Variants in TNS1 observed in about 807,000 individuals in gnomAD.
TNS1 encodes the protein tensin-1.
TNS1 carries 62 observed loss-of-function variants against 168.6 expected under a neutral mutation model. That is an observed-to-expected ratio of 0.37 (90% CI 0.30 to 0.45). The LOEUF (loss-of-function observed/expected upper bound fraction) is 0.45. Ranked by LOEUF, TNS1 falls within the 20% of genes least tolerant of loss-of-function variation. The pLI, the probability that TNS1 is intolerant of heterozygous loss-of-function variation, is 1.00. For missense variants in TNS1, 2,240 were observed against 2,339.4 expected (o/e 0.96, Z 0.88); for synonymous variants, 934 against 933.2 (o/e 1.00, Z -0.02).
intron 8 of TNS1, among the ~76,000 whole-genome samples, chr2:217,895,857 A>C (rs1281369993): frequency 2.0e-5 from 3 of 152,168 alleles, no homozygotes; most frequent in African/African-American, 7.2e-5. Context: ...TGGGGAGAAA[A>C]GGGGACAGCC....
chr2:217,990,982 G>T lies in TNS1; in HGVS notation c.108C>A (p.Ile36=). 1.4e-6 allele frequency: 1 copy of T among 692,056 alleles called. No individual in the cohort carries two copies. 42.9% of individuals were successfully genotyped at this position (692,056 alleles called of 1,614,324 possible). A position where few individuals can be genotyped will look rare whatever the true frequency, so the allele number is the denominator to read the frequency against. Residue 36 remains isoleucine (I), a synonymous_variant, in exon 2 of 33, where the codon ATC becomes ATA. Coordinates refer to ENST00000682258, the MANE Select transcript of TNS1 (RefSeq NM_001387777.1). ...KTFKKVKPCG[I]CRQVITQEGC... ...CTTCCTGGGTGATGACCTGGCGGCA[G>T]ATCCCACAGGGCTTCACCTTCTTGA...
At chr2:217,822,019 C>G in intron 22 of TNS1, 81 bp from the exon 23 acceptor site, 1 of 1,385,394 alleles carries the variant, frequency 7.2e-7, no homozygotes, top group Non-Finnish European at 9.7e-7. Context: ...TCCCCTGGAA[C>G]ACAGCTTCCT....
intron 32 of TNS1, among the ~76,000 whole-genome samples, chr2:217,805,491 C>T (rs1160402522): frequency 5.4e-5 from 5 of 92,720 alleles, no homozygotes; most frequent in East Asian, 3.4e-4. Flanking sequence ...ACACCACACA[C>T]ACACCACACA....
chr2:217,809,081 T>A (rs13025249), intron 30 of TNS1, among the ~76,000 whole-genome samples: 37,641 of 152,078 alleles, frequency 0.25, 5,166 homozygotes, highest in Middle Eastern at 0.35. Flanking sequence ...GAAGGATGGA[T>A]GAATGGGTGG....
chr2:217,869,524 C>T (rs1211536432), intron 18 of TNS1, among the ~76,000 whole-genome samples: 1 of 152,120 alleles, frequency 6.6e-6, no homozygotes, highest in East Asian at 1.9e-4. Context: ...CCCATCAGAG[C>T]CAGGGGTGGC....
At chr2:217,940,293 TG>T (rs1559377968) in intron 3 of TNS1, among the ~76,000 whole-genome samples, 3 of 152,138 alleles carry the variant, frequency 2.0e-5, no homozygotes, top group Non-Finnish European at 4.4e-5. Flanking sequence ...GGCTGGTAAC[TG>T]GGAGGGCTTT....
chr2:217,951,611 T>C (rs569014412), intron 3 of TNS1, among the ~76,000 whole-genome samples: 33 of 152,232 alleles, frequency 2.2e-4, no homozygotes, highest in African/African-American at 7.2e-4. Context: ...GGGCTCTCCT[T>C]GACCTGACAG....
chr2:217,949,373 C>A (rs1171500412), intron 3 of TNS1, among the ~76,000 whole-genome samples: 1 of 152,232 alleles, frequency 6.6e-6, no homozygotes, highest in Non-Finnish European at 1.5e-5. Flanking sequence ...TTCCCTTGGA[C>A]CTATCCCTGC....
intron 18 of TNS1, among the ~76,000 whole-genome samples, chr2:217,853,678 C>A (rs1257794728): frequency 6.6e-6 from 1 of 152,212 alleles, no homozygotes; most frequent in Admixed American, 6.5e-5. Flanking sequence ...CTCTTCTCAG[C>A]AGCTGCAGAG....
Position 217,879,249 on chromosome 2 carries a change from C to T in TNS1, c.1429+1649G>A, listed in dbSNP as rs773949233. ...TACTAAATGTTTTTACATTTATCAT[C>T]GCATTGACCATGCACCAAGAAGAGA... On this transcript the variant is annotated intron_variant, in intron 18 of 32. Transcript: ENST00000682258. 3.2e-5 allele frequency: 10 copies of T among 310,194 alleles called. 1 individual carries two copies. Among genetic ancestry groups the T allele is most frequent in the African/African-American group, 1.4e-4 (6 of 43,744 alleles). 19.2% of individuals were successfully genotyped at this position (310,194 alleles called of 1,614,324 possible).
intron 1 of TNS1, among the ~76,000 whole-genome samples, chr2:218,023,629 A>T (rs936061906): frequency 6.6e-6 from 1 of 152,144 alleles, no homozygotes; most frequent in Non-Finnish European, 1.5e-5. Flanking sequence ...GGAACTTTAC[A>T]TACCTTACCC....
chr2:217,894,854 G>A (rs765943175), intron 9 of TNS1, 152 bp downstream of exon 9: 5 of 783,864 alleles, frequency 6.4e-6, no homozygotes, highest in Non-Finnish European at 8.4e-6. Context: ...TTGTGGAAAT[G>A]ATAAGTAGAT....
At position 217,939,262 on chromosome 2, in the gene TNS1, C is replaced by G. The variant is rs537532710; in HGVS notation, c.187-19026G>C. On this transcript the variant is annotated intron_variant, in intron 3 of 32. Transcript: ENST00000682258. ...AACCGGGTCATCATAAGTTGATCCC[C>G]AGCAGTCTGGCACCAGACTCACATT... Among the ~76,000 whole-genome samples the G allele has an allele frequency of 3.4e-3, 523 of 152,284 alleles. 7 individuals are homozygous for G. The highest frequency in any genetic ancestry group is 0.012 in the African/African-American group (481 of 41,554).
At chr2:218,019,382 AT>A (rs1451416722) in intron 1 of TNS1, among the ~76,000 whole-genome samples, 3 of 152,240 alleles carry the variant, frequency 2.0e-5, no homozygotes, top group Non-Finnish European at 2.9e-5. Context: ...TTGCCAGATA[AT>A]TCTTAGTCTA....
chr2:217,876,567 T>G (rs1950222443), intron 18 of TNS1, among the ~76,000 whole-genome samples: 1 of 152,104 alleles, frequency 6.6e-6, no homozygotes, highest in African/African-American at 2.4e-5. Flanking sequence ...CCCAGAAAAC[T>G]CCTTCTCAGG....
intron 1 of TNS1, among the ~76,000 whole-genome samples, chr2:218,031,466 T>A (rs1958899188): frequency 6.6e-6 from 1 of 150,956 alleles, no homozygotes; most frequent in South Asian, 2.1e-4. Context: ...TCTGTGTGTG[T>A]GAGTGTATGA....
intron 3 of TNS1, among the ~76,000 whole-genome samples, chr2:217,975,332 C>T (rs1342801159): frequency 6.6e-6 from 1 of 152,100 alleles, no homozygotes; most frequent in African/African-American, 2.4e-5. Context: ...CCCCCCAAAA[C>T]ATTTATTATT....
chr2:217,919,334 G>A (rs977630279), intron 4 of TNS1, among the ~76,000 whole-genome samples: 14 of 152,290 alleles, frequency 9.2e-5, no homozygotes, highest in Middle Eastern at 3.4e-3. Context: ...GCCACGCCCC[G>A]CCCCAGGCTC....
chr2:217,830,946 AATGCCAGGTGATGCCTTGTGG>A (rs1276830822), intron 22 of TNS1, among the ~76,000 whole-genome samples: 1 of 152,084 alleles, frequency 6.6e-6, no homozygotes, highest in Non-Finnish European at 1.5e-5. Context: ...GACCACTCTG[AATGCCAGGTGATGCCTTGTGG>A]ATGCCAGGTG....
Sources: allele counts gnomAD v4.1 joint callset (sites outside exome capture counted in the v4.1 genomes callset), GRCh38; gene constraint gnomAD v4.1.1; transcripts MANE v1.5; gene names NCBI Gene and HGNC (gene_info 2026-07-23, HGNC 2026-07-21).